The following TRAPPC11 variants were observed in gnomAD, a reference collection of about 807,000 sequenced individuals.
TRAPPC11 encodes the protein foie gras homolog.
Under a neutral mutation model 151.2 loss-of-function variants are expected in TRAPPC11, and 104 were observed. The observed-to-expected ratio is 0.69, with a 90% CI of 0.59 to 0.81. The LOEUF (loss-of-function observed/expected upper bound fraction) is 0.81, where lower values mean the gene tolerates loss of function less well. Among genes scored for constraint, TRAPPC11 ranks in the 30% least tolerant of loss-of-function variants. The probability of loss-of-function intolerance (pLI) is 0.00; values close to 1 mark genes in which losing one functional copy is unlikely to be tolerated. For missense variants in TRAPPC11, 1,230 were observed against 1,349.6 expected, an observed-to-expected ratio of 0.91 and a Z score of 1.39; for synonymous variants, 456 against 472.3, an observed-to-expected ratio of 0.97 and a Z score of 0.45.
At chr4:183,668,803 A>C (rs1373082133) in intron 5 of TRAPPC11, among the ~76,000 whole-genome samples, 2 of 152,238 alleles carry the variant, frequency 1.3e-5, no homozygotes, top group Admixed American at 1.3e-4. Flanking sequence ...TGTCACACAG[A>C]AGTTTTGTAG....
chr4:183,690,135 G>A (rs893089509), intron 18 of TRAPPC11, among the ~76,000 whole-genome samples: 1 of 152,060 alleles, frequency 6.6e-6, no homozygotes, highest in South Asian at 2.1e-4. Context: ...CCTGAGAGGC[G>A]GAGGTTGTAG....
Position 183,693,161 on chromosome 4 carries a change from G to C in TRAPPC11, c.2237+14G>C. ...GGCAAGCACAATGTAAGTCTGCTTT[G>C]CTAAGCTGATATTAAAGGTCATCCT... is the stretch of plus-strand genomic sequence containing the variant. On this transcript the variant is annotated intron_variant, in intron 20 of 29. Coordinates refer to ENST00000334690, the MANE Select transcript of TRAPPC11 (RefSeq NM_021942.6). 1 of 1,564,450 alleles carries C rather than the reference G, an allele frequency of 6.4e-7. No individual in the cohort carries two copies. The highest frequency in any genetic ancestry group is 8.7e-7 in the Non-Finnish European group (1 of 1,153,934).
rs1396135076 is a variant in TRAPPC11 at position 183,689,793 on chromosome 4, T to TC, written c.1894-1523_1894-1522insC. Among the ~76,000 whole-genome samples, 10 of 151,152 alleles carry TC rather than the reference T, an allele frequency of 6.6e-5. 2 individuals carry two copies. Among genetic ancestry groups the TC allele is most frequent in the African/African-American group, 1.5e-4 (6 of 41,148 alleles). On this transcript the variant is annotated intron_variant, in intron 18 of 29. Coordinates refer to ENST00000334690, the MANE Select transcript of TRAPPC11 (RefSeq NM_021942.6). Reference sequence around the variant, plus strand: ...TACTATTTCATTTCTTTTCTTTCCTTTTTTTTTTCAACAAAAAATATAAGC... The same window carrying TC: ...TACTATTTCATTTCTTTTCTTTCCTTCTTTTTTTTCAACAAAAAATATAAGC...
chr4:183,693,858 T>A, intron 21 of TRAPPC11, 59 bp from the exon 22 acceptor site: 1 of 1,602,156 alleles, frequency 6.2e-7, no homozygotes, highest in South Asian at 1.1e-5. Context: ...CACACAGTAT[T>A]GATTATTGGG....
chr4:183,665,442 A>C (rs1343450101), intron 2 of TRAPPC11, among the ~76,000 whole-genome samples: 2 of 152,188 alleles, frequency 1.3e-5, no homozygotes, highest in African/African-American at 4.8e-5. Context: ...GAAGGCAGGG[A>C]GCCCAGCACA....
At chr4:183,707,336 A>G (rs1023851242) in intron 28 of TRAPPC11, among the ~76,000 whole-genome samples, 2 of 151,714 alleles carry the variant, frequency 1.3e-5, no homozygotes, top group Non-Finnish European at 2.9e-5. Flanking sequence ...CTATCAGTGA[A>G]GTTTCATAGC....
At chr4:183,682,120 T>A (rs1735728883) in intron 10 of TRAPPC11, among the ~76,000 whole-genome samples, 2 of 152,246 alleles carry the variant, frequency 1.3e-5, no homozygotes, top group Non-Finnish European at 2.9e-5. Flanking sequence ...AATTTGTGCA[T>A]GTGAAATCTG....
At chr4:183,666,140 C>A (rs1250714340) in intron 2 of TRAPPC11, 117 bp from the exon 3 acceptor site, 4 of 868,662 alleles carry the variant, frequency 4.6e-6, no homozygotes, top group South Asian at 2.1e-5. Flanking sequence ...GTTTCCTAAT[C>A]AAAAATGGGA....
rs1217831658 is a variant in TRAPPC11 at position 183,680,217 on chromosome 4, T to C, written c.1063T>C (p.Tyr355His). 1 of 1,614,074 alleles carries C rather than the reference T, an allele frequency of 6.2e-7. No individual in the cohort carries two copies. Among genetic ancestry groups the C allele is most frequent in the South Asian group, 1.1e-5 (1 of 91,078 alleles). Residue 355 changes from tyrosine to histidine, a missense_variant, in exon 10 of 30, where the codon TAC becomes CAC. Physicochemically the swap from Tyr to His is moderately conservative, Grantham distance 83 (BLOSUM62 2). Coordinates refer to ENST00000334690, the MANE Select transcript of TRAPPC11 (RefSeq NM_021942.6). ...NPGFYYQQAA[Y>H]YAQERKQLAK... ...TGGTTTCTATTACCAGCAGGCAGCATACTATGCCCAGGAGCGGAAACAGCT... is the reference window on the plus strand; with the variant it reads ...TGGTTTCTATTACCAGCAGGCAGCACACTATGCCCAGGAGCGGAAACAGCT...
In TRAPPC11 at chr4:183,664,050, G is replaced by A. The variant is rs144878889; in HGVS notation, c.183G>A (p.Glu61=). 36 of 1,613,166 alleles carry A rather than the reference G, an allele frequency of 2.2e-5. No individual in the cohort carries two copies. The African/African-American group carries it at 4.0e-4, about 18-fold the overall frequency. The change falls in exon 2 of 30, where the codon GAG becomes GAA. Residue 61 remains glutamate (E), a synonymous_variant. Coordinates refer to ENST00000334690, the MANE Select transcript of TRAPPC11 (RefSeq NM_021942.6). Reference sequence around the variant, plus strand: ...TCAAGGTGCTCCCAGGTGACCATGAGTATCCCAAATGTAGACCCAAGGTAA... The same window carrying A: ...TCAAGGTGCTCCCAGGTGACCATGAATATCCCAAATGTAGACCCAAGGTAA... ...ISFKVLPGDH[E]YPKCRPKRTS...
In TRAPPC11 at chr4:183,685,273, T is replaced by A. The variant is rs773582997; in HGVS notation, c.1632T>A (p.Asn544Lys). The A allele has an allele frequency of 6.2e-7, 1 of 1,613,344 alleles. No individual in the cohort carries two copies. Among genetic ancestry groups the A allele is most frequent in the Non-Finnish European group, 8.5e-7 (1 of 1,179,410 alleles). The stretch of plus-strand genomic sequence containing the variant: ...ATGTTAACTCTGTGTTGATGCAGAA[T>A]GAAAGTCCTGATCCAGAACCCGACT... Reference protein sequence around the residue: ...IEKNLINVLMNESPDPEPDCD... With the variant: ...IEKNLINVLMKESPDPEPDCD... The change falls in exon 17 of 30, where the codon AAT (asparagine) becomes AAA (lysine). Residue 544 changes from asparagine (N) to lysine (K), a missense_variant and splice_region_variant. By Grantham distance (94) the Asn-to-Lys change is moderately conservative. Coordinates refer to ENST00000334690, the MANE Select transcript of TRAPPC11 (RefSeq NM_021942.6).
chr4:183,696,710 A>G (rs752349629), intron 23 of TRAPPC11, among the ~76,000 whole-genome samples: 1 of 152,130 alleles, frequency 6.6e-6, no homozygotes, highest in Non-Finnish European at 1.5e-5. Context: ...TTGTTTTTCT[A>G]ACAGACTCTT....
intron 4 of TRAPPC11, among the ~76,000 whole-genome samples, chr4:183,667,547 A>G (rs1446511359): frequency 6.6e-6 from 1 of 152,202 alleles, no homozygotes; most frequent in Non-Finnish European, 1.5e-5. Context: ...TAGGGCAAAG[A>G]AAAAGGCTAT....
intron 28 of TRAPPC11, 60 bp from the exon 29 acceptor site, chr4:183,708,347 A>G: frequency 1.3e-6 from 2 of 1,527,654 alleles, no homozygotes; most frequent in Non-Finnish European, 1.8e-6. Context: ...GGGTAACAAC[A>G]TATAGATATT....
chr4:183,688,735 G>C (rs966743927), intron 18 of TRAPPC11, among the ~76,000 whole-genome samples: 1 of 138,230 alleles, frequency 7.2e-6, no homozygotes, highest in Non-Finnish European at 1.7e-5. Flanking sequence ...GTGTGTGTGC[G>C]TGTGTGTGTG....
intron 1 of TRAPPC11, among the ~76,000 whole-genome samples, chr4:183,663,411 A>G (rs543226119): frequency 4.6e-5 from 7 of 151,902 alleles, no homozygotes; most frequent in African/African-American, 1.7e-4. Flanking sequence ...TTTTTTGGAT[A>G]TTTAGTAGAG....
At chr4:183,687,326 G>GTA (rs1736032047) in intron 18 of TRAPPC11, among the ~76,000 whole-genome samples, 1 of 143,110 alleles carries the variant, frequency 7.0e-6, no homozygotes, top group Non-Finnish European at 1.5e-5. Flanking sequence ...TACACATATA[G>GTA]TATATATATA....
intron 27 of TRAPPC11, chr4:183,706,071 C>T (rs1737044961): frequency 6.8e-6 from 1 of 146,870 alleles, no homozygotes; most frequent in Non-Finnish European, 1.5e-5. Context: ...TGCCAGAACA[C>T]ACACACACAC....
chr4:183,670,850 G>C (rs7697430), intron 5 of TRAPPC11, among the ~76,000 whole-genome samples: 74,701 of 151,812 alleles, frequency 0.49, 18,969 homozygotes, highest in African/African-American at 0.62. Context: ...CAGTGGCGTG[G>C]TCTTGGCTCA....
Sources: allele counts gnomAD v4.1 joint callset (sites outside exome capture counted in the v4.1 genomes callset), GRCh38; gene constraint gnomAD v4.1.1; transcripts MANE v1.5; gene names NCBI Gene and HGNC (gene_info 2026-07-23, HGNC 2026-07-21).